The following TTBK2 variants were observed in gnomAD, a reference collection of about 807,000 sequenced individuals.
TTBK2 encodes tau tubulin kinase 2.
A neutral mutation model predicts 110.8 loss-of-function variants in TTBK2; 28 were observed. The observed-to-expected ratio is 0.25, with a 90% CI of 0.19 to 0.35. The LOEUF is 0.35. Among genes scored for constraint, TTBK2 ranks in the 10% least tolerant of loss-of-function variants. TTBK2 has a pLI of 1.00. For synonymous variants in TTBK2, 532 were observed against 527.3 expected (o/e 1.01, Z -0.12); for missense variants, 1,369 against 1,500.3 (o/e 0.91, Z 1.45).
chr15:42,883,377 C>CAAA (rs1213212728), intron 1 of TTBK2, among the ~76,000 whole-genome samples: 1 of 50,276 alleles, frequency 2.0e-5, no homozygotes. Flanking sequence ...AACTCCACCT[C>CAAA]AAAAAAAAAA....
intron 3 of TTBK2, among the ~76,000 whole-genome samples, chr15:42,851,029 T>C (rs1447089956): frequency 1.3e-5 from 2 of 150,872 alleles, no homozygotes; most frequent in Non-Finnish European, 3.0e-5. Context: ...ATTGAGACCA[T>C]CCTGGCTAAC....
chr15:42,917,223 CA>C (rs1328012401), intron 1 of TTBK2, among the ~76,000 whole-genome samples: 2 of 149,536 alleles, frequency 1.3e-5, no homozygotes, highest in Non-Finnish European at 3.0e-5. Flanking sequence ...ATTATAGAGA[CA>C]AAGGTTAAAA....
chr15:42,868,522 A>G (rs1894476219), intron 3 of TTBK2, among the ~76,000 whole-genome samples: 1 of 152,118 alleles, frequency 6.6e-6, no homozygotes, highest in South Asian at 2.1e-4. Context: ...CTCTTTTTAA[A>G]AAAGTCTTTT....
At chr15:42,839,012 C>T (rs1376396035) in intron 4 of TTBK2, among the ~76,000 whole-genome samples, 1 of 151,958 alleles carries the variant, frequency 6.6e-6, no homozygotes, top group African/African-American at 2.4e-5. Flanking sequence ...TTGTGTGTTG[C>T]TGGGGTTTGG....
chr15:42,833,026 A>T (rs962339791), intron 4 of TTBK2, among the ~76,000 whole-genome samples: 2 of 152,170 alleles, frequency 1.3e-5, no homozygotes, highest in African/African-American at 4.8e-5. Context: ...AGAAGAAAAC[A>T]TCAGACACTG....
Position 42,752,136 on chromosome 15 carries a change from T to G in TTBK2, c.3110A>C (p.Glu1037Ala). 6.2e-7 allele frequency: 1 copy of G among 1,614,204 alleles called. No homozygotes were observed. The highest frequency in any genetic ancestry group is 8.5e-7 in the Non-Finnish European group (1 of 1,180,032). ...GATGATGGGTGACAGAAAGCTATCT[T>G]CAGCTGACCTACTCAGGTGAGAATC... Reference protein sequence around the residue: ...TVDSHLSRSAEDSFLSPIISQ... With the variant: ...TVDSHLSRSAADSFLSPIISQ... Residue 1037 changes from glutamate (E) to alanine (A), a missense_variant, in exon 14 of 15, where the codon GAA (glutamate) becomes GCA (alanine). Coordinates refer to ENST00000267890, the MANE Select transcript of TTBK2 (RefSeq NM_173500.4).
intron 1 of TTBK2, among the ~76,000 whole-genome samples, chr15:42,896,759 C>T (rs1895683117): frequency 6.6e-6 from 1 of 152,054 alleles, no homozygotes; most frequent in South Asian, 2.1e-4. Context: ...CACACCACTG[C>T]ACTCCAGCAT....
At chr15:42,783,761 C>CTTGAAA in intron 10 of TTBK2, 126 bp from the exon 11 acceptor site, 1 of 707,538 alleles carries the variant, frequency 1.4e-6, no homozygotes, top group Non-Finnish European at 2.3e-6. Flanking sequence ...AAAAAAAAAG[C>CTTGAAA]ACCTTGAAAA....
At chr15:42,915,626 A>G (rs927262643) in intron 1 of TTBK2, among the ~76,000 whole-genome samples, 5 of 152,100 alleles carry the variant, frequency 3.3e-5, no homozygotes, top group African/African-American at 1.2e-4. Flanking sequence ...TTTCACAGAG[A>G]CCAAAGTAAG....
chr15:42,811,399 C>T (rs1301853668), intron 8 of TTBK2, among the ~76,000 whole-genome samples: 1 of 152,092 alleles, frequency 6.6e-6, no homozygotes, highest in Non-Finnish European at 1.5e-5. Flanking sequence ...TAAAAGCTTA[C>T]TTGACTTACA....
At chr15:42,791,126 C>T (rs527596544) in intron 10 of TTBK2, among the ~76,000 whole-genome samples, 4 of 151,950 alleles carry the variant, frequency 2.6e-5, no homozygotes, top group East Asian at 3.9e-4. Context: ...CCTCATGATC[C>T]GCCCGCCTTG....
At chr15:42,902,645 G>A (rs1035275338) in intron 1 of TTBK2, among the ~76,000 whole-genome samples, 1 of 152,120 alleles carries the variant, frequency 6.6e-6, no homozygotes, top group Non-Finnish European at 1.5e-5. Flanking sequence ...TGCATTGCTG[G>A]TGGGAATATA....
chr15:42,774,657 A>G (rs150318695), intron 13 of TTBK2, among the ~76,000 whole-genome samples: 203 of 152,272 alleles, frequency 1.3e-3, no homozygotes, highest in African/African-American at 4.8e-3. Context: ...ATGTTAGAAA[A>G]TTACCGTTTA....
chr15:42,773,363 G>GA (rs1889760270), intron 13 of TTBK2, among the ~76,000 whole-genome samples: 1 of 151,506 alleles, frequency 6.6e-6, no homozygotes, highest in African/African-American at 2.4e-5. Flanking sequence ...CTTGAACCCA[G>GA]AAGGCGGAGG....
intron 6 of TTBK2, among the ~76,000 whole-genome samples, chr15:42,823,935 T>A (rs1267231575): frequency 6.6e-6 from 1 of 152,094 alleles, no homozygotes; most frequent in Non-Finnish European, 1.5e-5. Context: ...ACAAGAAACA[T>A]GGCACCAGCA....
chr15:42,860,240 C>G (rs549969904), intron 3 of TTBK2, among the ~76,000 whole-genome samples: 1 of 151,922 alleles, frequency 6.6e-6, no homozygotes, highest in Non-Finnish European at 1.5e-5. Context: ...CCAGGAAATT[C>G]AGAAAACGCC....
intron 10 of TTBK2, among the ~76,000 whole-genome samples, chr15:42,790,490 G>A (rs1196641150): frequency 1.3e-5 from 2 of 151,912 alleles, no homozygotes; most frequent in African/African-American, 2.4e-5. Context: ...TCACCATGTT[G>A]CCCAGGATGG....
intron 13 of TTBK2, among the ~76,000 whole-genome samples, chr15:42,763,143 C>CATATATATATATACATATATAT (rs1446792547): frequency 1.8e-4 from 9 of 51,168 alleles, no homozygotes; most frequent in Admixed American, 3.2e-4. Context: ...TATATACATA[C>CATATATATATATACATATATAT]ATATATATAT....
intron 1 of TTBK2, among the ~76,000 whole-genome samples, chr15:42,885,719 C>T (rs1320760044): frequency 6.6e-6 from 1 of 152,064 alleles, no homozygotes; most frequent in Admixed American, 6.6e-5. Context: ...GCAAGCACTC[C>T]CCACCCCTTC....
Sources: allele counts gnomAD v4.1 joint callset (sites outside exome capture counted in the v4.1 genomes callset), GRCh38; gene constraint gnomAD v4.1.1; transcripts MANE v1.5; gene names NCBI Gene and HGNC (gene_info 2026-07-23, HGNC 2026-07-21).